The following SNX14 variants were observed in gnomAD, a reference collection of about 807,000 sequenced individuals.
SNX14 encodes sorting nexin-14.
Under a neutral mutation model 133.8 loss-of-function variants are expected in SNX14, and 93 were observed. The observed-to-expected ratio is 0.70, with a 90% CI of 0.59 to 0.83. SNX14 has a LOEUF of 0.83. SNX14 is among the 40% of genes least tolerant of loss of function. The pLI is 0.00. For synonymous variants in SNX14, 368 were observed against 365.6 expected (o/e 1.01, Z -0.07); for missense variants, 945 against 1,094.9 (o/e 0.86, Z 1.93).
chr6:85,526,325 C>A, intron 20 of SNX14, 88 bp from the exon 21 acceptor site: 1 of 778,112 alleles, frequency 1.3e-6, no homozygotes, highest in African/African-American at 1.8e-5. Context: ...AATTTTAAAT[C>A]CCCAAAAGCT....
At chr6:85,516,706 C>T (rs1441594138) in intron 23 of SNX14, among the ~76,000 whole-genome samples, 1 of 144,978 alleles carries the variant, frequency 6.9e-6, no homozygotes, top group Non-Finnish European at 1.5e-5. Context: ...GGCGCGATCT[C>T]AGCTCACTGC....
At chr6:85,558,550 C>T (rs1362479759) in intron 6 of SNX14, among the ~76,000 whole-genome samples, 1 of 152,184 alleles carries the variant, frequency 6.6e-6, no homozygotes, top group Non-Finnish European at 1.5e-5. Flanking sequence ...CAGTCTCAGT[C>T]TCCCGGGCTC....
intron 2 of SNX14, among the ~76,000 whole-genome samples, chr6:85,573,617 C>T (rs1390937952): frequency 1.3e-5 from 2 of 152,166 alleles, no homozygotes; most frequent in South Asian, 2.1e-4. Context: ...GTTATATAAA[C>T]TGCCTAATTA....
At chr6:85,510,693 CAGA>C (rs1266713601) in intron 26 of SNX14, among the ~76,000 whole-genome samples, 1 of 152,158 alleles carries the variant, frequency 6.6e-6, no homozygotes, top group Non-Finnish European at 1.5e-5. Flanking sequence ...CATCGCCAAA[CAGA>C]AGGTCATCTA....
rs139232358 is a variant in SNX14, at chr6:85,571,536, G to A, written c.417+601C>T. On this transcript the variant is annotated intron_variant, in intron 4 of 28. Coordinates refer to ENST00000314673, the MANE Select transcript of SNX14 (RefSeq NM_153816.6). ...CTTTGATCAGCTACCAACAATATAC[G>A]TGACCTGATACTTGGTGCTAGGAAC... Among the ~76,000 whole-genome samples the A allele has an allele frequency of 5.0e-4, 76 of 152,168 alleles. 1 individual carries two copies. The East Asian group carries it at 0.013, about 26-fold the overall frequency.
rs1668757837 is a variant in SNX14 at position 85,532,125 on chromosome 6, G to A, written c.1810+1474C>T. Among the ~76,000 whole-genome samples the A allele has an allele frequency of 2.6e-5, 4 of 152,156 alleles. No homozygotes were observed. The South Asian group carries it at 8.3e-4, about 32-fold the overall frequency. On this transcript the variant is annotated intron_variant, in intron 18 of 28. Transcript: ENST00000314673. ...TGAGCCATGAACTATTATAATTTAT[G>A]TTAAATGATTAACCTTTTAAGATAA...
At chr6:85,590,156 T>C (rs1388511436) in intron 1 of SNX14, among the ~76,000 whole-genome samples, 1 of 152,210 alleles carries the variant, frequency 6.6e-6, no homozygotes, top group Non-Finnish European at 1.5e-5. Context: ...ATTCTTGTTG[T>C]CCAGGCCTCC....
At chr6:85,543,937 C>T (rs1176787518) in intron 12 of SNX14, 177 bp from the exon 13 acceptor site, 3 of 302,762 alleles carry the variant, frequency 9.9e-6, no homozygotes, top group South Asian at 1.4e-4. Context: ...AAGAGAAATG[C>T]AATCAACCAG....
chr6:85,515,740 C>T (rs1246916205), intron 23 of SNX14, among the ~76,000 whole-genome samples: 2 of 152,024 alleles, frequency 1.3e-5, no homozygotes, highest in East Asian at 3.9e-4. Flanking sequence ...ATATTATTCC[C>T]TCTACTCTTT....
intron 28 of SNX14, among the ~76,000 whole-genome samples, chr6:85,506,281 T>C (rs1416383424): frequency 1.3e-5 from 2 of 152,102 alleles, no homozygotes; most frequent in African/African-American, 2.4e-5. Context: ...TAACTGCCAC[T>C]CTGTTTTAAT....
At chr6:85,511,351 T>A (rs1772751314) in intron 26 of SNX14, among the ~76,000 whole-genome samples, 1 of 152,220 alleles carries the variant, frequency 6.6e-6, no homozygotes, top group African/African-American at 2.4e-5. Context: ...AATCATGTCA[T>A]CTGTGAACAA....
intron 17 of SNX14, 100 bp downstream of exon 17, chr6:85,536,692 C>T (rs1190616526): frequency 1.7e-6 from 2 of 1,154,212 alleles, no homozygotes; most frequent in East Asian, 5.2e-5. Context: ...AAACAGAATA[C>T]ACAGATTCTC....
At chr6:85,547,672 G>T in intron 9 of SNX14, 122 bp from the exon 10 acceptor site, 1 of 796,480 alleles carries the variant, frequency 1.3e-6, no homozygotes, top group Non-Finnish European at 1.9e-6. Context: ...TGGAGCAGTA[G>T]CAAAAAATCT....
chr6:85,588,121 C>G (rs947117534), intron 1 of SNX14, among the ~76,000 whole-genome samples: 4 of 151,688 alleles, frequency 2.6e-5, no homozygotes, highest in African/African-American at 9.7e-5. Flanking sequence ...GAAACCTCGT[C>G]TGTACACAAA....
chr6:85,537,637 AC>A (rs1215215474), intron 16 of SNX14, among the ~76,000 whole-genome samples: 2 of 152,190 alleles, frequency 1.3e-5, no homozygotes, highest in African/African-American at 2.4e-5. Flanking sequence ...TAAAACCGTA[AC>A]TTTTATCCAA....
At chr6:85,592,794 C>T (rs1312935476) in intron 1 of SNX14, among the ~76,000 whole-genome samples, 1 of 149,720 alleles carries the variant, frequency 6.7e-6, no homozygotes, top group Admixed American at 6.6e-5. Context: ...TCGAGACCAT[C>T]CTGGCTAAAA....
intron 2 of SNX14, 141 bp downstream of exon 2, chr6:85,574,117 A>T: frequency 2.2e-6 from 1 of 454,422 alleles, no homozygotes; most frequent in East Asian, 4.2e-5. Flanking sequence ...ACCTAAAAAA[A>T]ACAAAAAAAA....
chr6:85,536,736 T>C, intron 17 of SNX14, 56 bp downstream of exon 17: 2 of 1,533,496 alleles, frequency 1.3e-6, no homozygotes, highest in Middle Eastern at 1.7e-4. Flanking sequence ...TATCTAATTT[T>C]TATGTCATAG....
chr6:85,548,208 G>A, intron 9 of SNX14, 93 bp downstream of exon 9: 1 of 858,652 alleles, frequency 1.2e-6, no homozygotes, highest in Non-Finnish European at 1.8e-6. Context: ...AATGTTTTCA[G>A]TATCACTGAC....
Sources: allele counts gnomAD v4.1 joint callset (sites outside exome capture counted in the v4.1 genomes callset), GRCh38; gene constraint gnomAD v4.1.1; transcripts MANE v1.5; gene names NCBI Gene and HGNC (gene_info 2026-07-23, HGNC 2026-07-21).